MAN1A2: variants seen among roughly 807,000 people sequenced by gnomAD.
MAN1A2 encodes the protein mannosidase alpha class 1A member 2, also known as mannosyl-oligosaccharide 1,2-alpha-mannosidase IB.
A neutral mutation model predicts 75.7 loss-of-function variants in MAN1A2; 26 were observed. The observed-to-expected ratio is 0.34, with a 90% CI of 0.25 to 0.48. The LOEUF is 0.48. MAN1A2 is among the 20% of genes least tolerant of loss of function. The pLI, the probability that MAN1A2 is intolerant of heterozygous loss-of-function variation, is 0.99. For missense variants in MAN1A2, 562 were observed against 775.5 expected (o/e 0.72, Z 3.27); for synonymous variants, 247 against 264.6 (o/e 0.93, Z 0.65).
intron 5 of MAN1A2, among the ~76,000 whole-genome samples, chr1:117,429,217 C>T (rs9700547): frequency 1.2e-3 from 170 of 145,398 alleles, no homozygotes; most frequent in African/African-American, 3.7e-3. Flanking sequence ...TACACAGACA[C>T]GGCAACCATC....
At chr1:117,418,707 C>T (rs964985705) in intron 4 of MAN1A2, among the ~76,000 whole-genome samples, 1 of 151,972 alleles carries the variant, frequency 6.6e-6, no homozygotes, top group Non-Finnish European at 1.5e-5. Context: ...TTAGTAGGTT[C>T]TCAGTTATTA....
At chr1:117,414,868 CCA>C in intron 4 of MAN1A2, 37 bp downstream of exon 4, 1 of 1,249,838 alleles carries the variant, frequency 8.0e-7, no homozygotes, top group Middle Eastern at 1.9e-4. Context: ...CTTAGATTAA[CCA>C]TGAAAAGACA....
Position 117,524,181 on chromosome 1 carries a change from AAG to A in MAN1A2, c.*1227_*1228del, listed in dbSNP as rs1651945759. 6.6e-6 allele frequency: 1 copy of A among 152,250 alleles called. No homozygotes were observed. The highest frequency in any genetic ancestry group is 2.4e-5 in the African/African-American group (1 of 41,418). The allele number at this position is 152,250 out of a possible 1,614,324, so 9.4% of individuals were successfully genotyped here. A position where few individuals can be genotyped will look rare whatever the true frequency, so the allele number is the denominator to read the frequency against. ...GTTTCAAAATAATTTTCAGTGATAA[AAG>A]AGTGTTGTAATTAATCATATTACAC... On this transcript the variant is annotated 3_prime_UTR_variant, in exon 13 of 13. Coordinates refer to ENST00000356554, the MANE Select transcript of MAN1A2 (RefSeq NM_006699.5).
chr1:117,420,277 G>A (rs544030953), intron 4 of MAN1A2, among the ~76,000 whole-genome samples: 55 of 152,118 alleles, frequency 3.6e-4, no homozygotes, highest in Middle Eastern at 3.4e-3. Context: ...TCATGAGGAA[G>A]GGTAATAGTT....
intron 8 of MAN1A2, among the ~76,000 whole-genome samples, chr1:117,485,073 A>G (rs1053958831): frequency 6.6e-6 from 1 of 152,004 alleles, no homozygotes; most frequent in Non-Finnish European, 1.5e-5. Flanking sequence ...ACATTTTAAA[A>G]AGGTTTTCTA....
chr1:117,405,295 A>C (rs1647577292), intron 2 of MAN1A2, among the ~76,000 whole-genome samples: 1 of 152,166 alleles, frequency 6.6e-6, no homozygotes, highest in Non-Finnish European at 1.5e-5. Flanking sequence ...CTCAAAAGGA[A>C]AGAATGCCAA....
intron 1 of MAN1A2, among the ~76,000 whole-genome samples, chr1:117,378,869 C>CT: frequency 6.6e-6 from 1 of 150,462 alleles, no homozygotes; most frequent in East Asian, 1.9e-4. Context: ...TGCCAGTTTT[C>CT]TTTTGGGTTG....
intron 1 of MAN1A2, among the ~76,000 whole-genome samples, chr1:117,388,846 A>T (rs553154616): frequency 6.6e-6 from 1 of 152,342 alleles, no homozygotes; most frequent in East Asian, 1.9e-4. Context: ...TGAATAGTGT[A>T]CCAAAACCTT....
chr1:117,457,005 G>A (rs1649601940), intron 6 of MAN1A2, among the ~76,000 whole-genome samples: 1 of 152,028 alleles, frequency 6.6e-6, no homozygotes, highest in African/African-American at 2.4e-5. Context: ...TTCAATATCA[G>A]TGTGTTTGCA....
At chr1:117,458,523 A>ATTTTTTTTTTT (rs5777311) in intron 6 of MAN1A2, among the ~76,000 whole-genome samples, 65 of 105,568 alleles carry the variant, frequency 6.2e-4, no homozygotes, top group Middle Eastern at 5.2e-3. Flanking sequence ...ATATATATAT[A>ATTTTTTTTTTT]TTTTTTTTTT....
intron 12 of MAN1A2, among the ~76,000 whole-genome samples, chr1:117,516,609 ATG>A (rs2101893954): frequency 1.3e-5 from 2 of 152,262 alleles, no homozygotes; most frequent in South Asian, 4.1e-4. Context: ...GACAAAATAT[ATG>A]TGAAATAATG....
chr1:117,522,927 C>T lies in MAN1A2; in HGVS notation c.1896C>T (p.Thr632=), dbSNP rs1651908220. Residue 632 remains threonine, a synonymous_variant, in exon 13 of 13, where the codon ACC becomes ACT. Coordinates refer to ENST00000356554, the MANE Select transcript of MAN1A2 (RefSeq NM_006699.5). Reference sequence around the variant, plus strand: ...TGCCTGTGTTACATTTAGCCAACACCACACTTTCAGGTAATCCTGCTGTTC... The same window carrying T: ...TGCCTGTGTTACATTTAGCCAACACTACACTTTCAGGTAATCCTGCTGTTC... ...HPLPVLHLAN[T]TLSGNPAVR is the part of the protein sequence containing the mutation. The T allele has an allele frequency of 1.9e-6, 3 of 1,611,504 alleles. No individual in the cohort carries two copies. The highest frequency in any genetic ancestry group is 2.5e-6 in the Non-Finnish European group (3 of 1,178,510).
intron 7 of MAN1A2, 142 bp downstream of exon 7, chr1:117,460,754 T>TA (rs1649791643): frequency 1.0e-6 from 1 of 980,882 alleles, no homozygotes; most frequent in Non-Finnish European, 1.4e-6. Flanking sequence ...CTTTTGAAGT[T>TA]ACTCAAAGAA....
rs1038395766 is a variant in MAN1A2 at position 117,527,510 on chromosome 1, T to A, written c.*4553T>A. 2.0e-5 allele frequency: 3 copies of A among 152,016 alleles called. No individual in the cohort carries two copies. Among genetic ancestry groups the A allele is most frequent in the African/African-American group, 7.2e-5 (3 of 41,430 alleles). The allele number at this position is 152,016 out of a possible 1,614,324, so 9.4% of individuals were successfully genotyped here. On this transcript the variant is annotated 3_prime_UTR_variant, in exon 13 of 13. Transcript: ENST00000356554. ...GTATCTGTATAACCTAAAGCTATAA[T>A]ATTTTGTTGTCTTGAAAGCAGATAC...
chr1:117,394,216 G>A (rs531729430), intron 1 of MAN1A2, among the ~76,000 whole-genome samples: 1 of 152,024 alleles, frequency 6.6e-6, no homozygotes, highest in East Asian at 1.9e-4. Flanking sequence ...TGAGTAGCTG[G>A]GACTACAGGC....
intron 9 of MAN1A2, chr1:117,494,548 C>T (rs1420717668): frequency 6.6e-6 from 1 of 151,856 alleles, no homozygotes; most frequent in Non-Finnish European, 1.5e-5. Context: ...TAATTTGTTA[C>T]AATTGTTTTT....
intron 1 of MAN1A2, among the ~76,000 whole-genome samples, chr1:117,369,578 C>T (rs751988335): frequency 4.6e-5 from 7 of 152,104 alleles, no homozygotes; most frequent in Non-Finnish European, 8.8e-5. Flanking sequence ...TTTTCTCAAC[C>T]TAGTTAATTC....
In MAN1A2 at chr1:117,495,179, T is replaced by C. The variant is rs527933376; in HGVS notation, c.1285-1584T>C. On this transcript the variant is annotated intron_variant, in intron 9 of 12. Coordinates refer to ENST00000356554, the MANE Select transcript of MAN1A2 (RefSeq NM_006699.5). ...TTTTTCATGAATCATCTGCTATATG[T>C]TATGTATCTTGTAAATATTTCTGTA... Among the ~76,000 whole-genome samples, 7 of 151,962 alleles carry C rather than the reference T, an allele frequency of 4.6e-5. 1 individual carries two copies. The South Asian group carries it at 8.3e-4, about 18-fold the overall frequency.
intron 12 of MAN1A2, among the ~76,000 whole-genome samples, chr1:117,521,024 G>A (rs1651855923): frequency 6.6e-6 from 1 of 151,894 alleles, no homozygotes. Context: ...AATAGTTACA[G>A]CCAACTGATC....
Sources: allele counts gnomAD v4.1 joint callset (sites outside exome capture counted in the v4.1 genomes callset), GRCh38; gene constraint gnomAD v4.1.1; transcripts MANE v1.5; gene names NCBI Gene and HGNC (gene_info 2026-07-23, HGNC 2026-07-21).